RPA3: variants seen among roughly 807,000 people sequenced by gnomAD.
RPA3 encodes replication protein A 14 kDa subunit.
Under a neutral mutation model 13.7 loss-of-function variants are expected in RPA3, and 24 were observed. The observed-to-expected ratio is 1.75, with a 90% CI of 1.27 to 2.46. The LOEUF (loss-of-function observed/expected upper bound fraction) is 2.46. Ranked by LOEUF, RPA3 falls within the 30% of genes most tolerant of loss-of-function variation. RPA3 has a pLI of 0.00. For synonymous variants in RPA3, 59 were observed against 51.2 expected (o/e 1.15, Z -0.65); for missense variants, 183 against 151.0 (o/e 1.21, Z -1.11).
At chr7:7,678,334 T>TCAA (rs1457910441) in intron 4 of RPA3, among the ~76,000 whole-genome samples, 1 of 150,556 alleles carries the variant, frequency 6.6e-6, no homozygotes, top group Non-Finnish European at 1.5e-5. Flanking sequence ...TCTCTGATGA[T>TCAA]CAACAATATT....
intron 4 of RPA3, among the ~76,000 whole-genome samples, chr7:7,667,454 C>A (rs959558887): frequency 1.6e-4 from 25 of 152,166 alleles, no homozygotes; most frequent in Admixed American, 1.3e-4. Flanking sequence ...CAGGTCCCTT[C>A]CACTTAAATT....
intron 4 of RPA3, among the ~76,000 whole-genome samples, chr7:7,649,579 T>C (rs923927991): frequency 2.0e-5 from 3 of 152,226 alleles, no homozygotes; most frequent in African/African-American, 7.2e-5. Context: ...TTGTTGTTAT[T>C]TTTTCCTTTC....
intron 4 of RPA3, among the ~76,000 whole-genome samples, chr7:7,646,407 C>A (rs953160444): frequency 7.3e-5 from 11 of 151,470 alleles, no homozygotes; most frequent in African/African-American, 2.7e-4. Flanking sequence ...CAGTTTCCCC[C>A]ATACTGTTCT....
At chr7:7,681,216 A>G (rs149906802) in intron 4 of RPA3, among the ~76,000 whole-genome samples, 1 of 152,232 alleles carries the variant, frequency 6.6e-6, no homozygotes, top group Non-Finnish European at 1.5e-5. Context: ...ATGTTGTTTA[A>G]GCTATAAATT....
intron 6 of RPA3, 73 bp downstream of exon 6, chr7:7,638,997 C>T (rs1784908420): frequency 8.2e-7 from 1 of 1,213,420 alleles, no homozygotes. Flanking sequence ...AAATTAGAAA[C>T]ATCGGCAACA....
chr7:7,708,128 T>C (rs1400467931), intron 2 of RPA3, among the ~76,000 whole-genome samples: 1 of 152,128 alleles, frequency 6.6e-6, no homozygotes, highest in Non-Finnish European at 1.5e-5. Flanking sequence ...ATTTGGATCA[T>C]GGTTCTGCTG....
At chr7:7,673,420 C>T (rs1235117372) in intron 4 of RPA3, 6 of 1,021,064 alleles carry the variant, frequency 5.9e-6, no homozygotes, top group Non-Finnish European at 8.9e-6. Context: ...GCCCTCAGTA[C>T]CAGAGACAGA....
intron 7 of RPA3, 93 bp from the exon 8 acceptor site, chr7:7,637,175 C>T (rs1040393177): frequency 1.1e-6 from 1 of 939,010 alleles, no homozygotes; most frequent in Non-Finnish European, 1.7e-6. Context: ...TCCTTTTTCT[C>T]ACCCTTTTGG....
intron 2 of RPA3, among the ~76,000 whole-genome samples, chr7:7,698,711 C>G (rs1780376426): frequency 6.6e-6 from 1 of 152,026 alleles, no homozygotes. Context: ...TTCTCCAGCT[C>G]TTAATAATTA....
rs540505038 is a variant in RPA3, at chr7:7,674,115, G to A, written c.-758+11715C>T. 3.9e-5 allele frequency among the ~76,000 whole-genome samples: 6 copies of A among 152,116 alleles called. No individual in the cohort carries two copies. In the South Asian group the frequency reaches 1.0e-3, roughly 26 times the overall value. Reference sequence around the variant, plus strand: ...AAATTCTCTTTCCAAAGTATGGTGTGGGGTAGTCAAACCCAGTGTTTCCTT... The same window carrying A: ...AAATTCTCTTTCCAAAGTATGGTGTAGGGTAGTCAAACCCAGTGTTTCCTT... On this transcript the variant is annotated intron_variant, in intron 4 of 7. Transcript: ENST00000223129.
At chr7:7,672,553 G>A (rs1437697479) in intron 4 of RPA3, among the ~76,000 whole-genome samples, 1 of 152,166 alleles carries the variant, frequency 6.6e-6, no homozygotes, top group South Asian at 2.1e-4. Context: ...GGCAGGACCA[G>A]GTGTAGATAA....
At chr7:7,702,851 C>T (rs149978302) in intron 2 of RPA3, among the ~76,000 whole-genome samples, 30 of 152,204 alleles carry the variant, frequency 2.0e-4, no homozygotes, top group African/African-American at 7.2e-4. Flanking sequence ...ACAAGTCAAC[C>T]AGTTTGTTTG....
intron 2 of RPA3, among the ~76,000 whole-genome samples, chr7:7,705,301 CTT>C (rs1404692446): frequency 6.6e-6 from 1 of 152,130 alleles, no homozygotes; most frequent in Non-Finnish European, 1.5e-5. Context: ...AAATATCTGA[CTT>C]ATAAAAAAAT....
chr7:7,637,732 T>C (rs1784887737), intron 7 of RPA3, 132 bp downstream of exon 7: 1 of 487,106 alleles, frequency 2.1e-6, no homozygotes, highest in Non-Finnish European at 3.7e-6. Context: ...TACATACAGT[T>C]ATATAAAACT....
At chr7:7,703,722 T>A in intron 2 of RPA3, among the ~76,000 whole-genome samples, 1 of 152,146 alleles carries the variant, frequency 6.6e-6, no homozygotes, top group South Asian at 2.1e-4. Flanking sequence ...GGCAGATCGC[T>A]TGAGCCCAGG....
At chr7:7,665,076 A>G (rs1779406514) in intron 4 of RPA3, among the ~76,000 whole-genome samples, 1 of 152,196 alleles carries the variant, frequency 6.6e-6, no homozygotes, top group South Asian at 2.1e-4. Flanking sequence ...CAGTAGCTGC[A>G]TCAATCACAC....
intron 4 of RPA3, among the ~76,000 whole-genome samples, chr7:7,653,143 G>A (rs1024380782): frequency 2.0e-5 from 3 of 152,112 alleles, no homozygotes; most frequent in African/African-American, 7.2e-5. Context: ...CTTTTGCAGG[G>A]TGTTTTTTCA....
chr7:7,665,508 C>T (rs6974820), intron 4 of RPA3, among the ~76,000 whole-genome samples: 29,993 of 152,110 alleles, frequency 0.2, 3,161 homozygotes, highest in Middle Eastern at 0.23. Flanking sequence ...CTAATTGTGT[C>T]AATAAATTTT....
At chr7:7,643,864 A>G (rs938985470) in intron 4 of RPA3, among the ~76,000 whole-genome samples, 1 of 152,004 alleles carries the variant, frequency 6.6e-6, no homozygotes, top group African/African-American at 2.4e-5. Context: ...GTAAACTTCC[A>G]TTCCTGCTCT....
Sources: gnomAD v4.1 joint callset for allele counts (sites outside exome capture counted in the v4.1 genomes callset) on GRCh38, gnomAD v4.1.1 for gene constraint, MANE v1.5 for transcripts, NCBI Gene and HGNC (gene_info 2026-07-23, HGNC 2026-07-21) for gene names.